The following GRM7 variants were observed in gnomAD, a reference collection of about 807,000 sequenced individuals.
GRM7 encodes the protein metabotropic glutamate receptor 7.
In GRM7, 35 loss-of-function variants were observed where a neutral mutation model predicts 84.5. The observed-to-expected ratio is 0.41, with a 90% CI of 0.32 to 0.55. The LOEUF is 0.55. Among genes scored for constraint, GRM7 ranks in the 20% least tolerant of loss-of-function variants. The pLI, the probability that GRM7 is intolerant of heterozygous loss-of-function variation, is 0.19. For missense variants in GRM7, 1,003 were observed against 1,194.6 expected (o/e 0.84, Z 2.36); for synonymous variants, 487 against 455.1 (o/e 1.07, Z -0.89).
intron 6 of GRM7, 131 bp downstream of exon 6, chr3:7,452,938 T>C: frequency 1.6e-6 from 1 of 628,312 alleles, no homozygotes; most frequent in East Asian, 2.7e-5. Context: ...CTTTAAATGA[T>C]TGAATCAATG....
intron 4 of GRM7, among the ~76,000 whole-genome samples, chr3:7,315,661 C>T (rs1700557059): frequency 6.6e-6 from 1 of 152,166 alleles, no homozygotes; most frequent in Admixed American, 6.5e-5. Flanking sequence ...CCACAATAGG[C>T]ACATTGACCT....
Position 7,356,920 on chromosome 3 carries a change from TCACACACACACACACACACA to T in GRM7, c.1033+50293_1033+50312del, listed in dbSNP as rs34481316. On this transcript the variant is annotated intron_variant, in intron 4 of 9. Coordinates refer to ENST00000357716, the MANE Select transcript of GRM7 (RefSeq NM_000844.4). ...CTATCATGGAACTTTGCCTTTTTGA[TCACACACACACACACACACA>T]CACACACACACACACACACACACAG... is the stretch of plus-strand genomic sequence containing the variant. 1.8e-3 allele frequency among the ~76,000 whole-genome samples: 230 copies of T among 131,284 alleles called. 1 individual carries two copies. Among genetic ancestry groups the T allele is most frequent in the African/African-American group, 6.5e-3 (222 of 34,172 alleles). 86.1% of individuals were successfully genotyped at this position (131,284 alleles called of 152,430 possible). A position where few individuals can be genotyped will look rare whatever the true frequency, so the allele number is the denominator to read the frequency against.
chr3:7,052,451 G>A (rs1434331050), intron 1 of GRM7, among the ~76,000 whole-genome samples: 1 of 151,526 alleles, frequency 6.6e-6, no homozygotes, highest in Admixed American at 6.6e-5. Flanking sequence ...CAATCCTCTT[G>A]TTTTAAAAAT....
At chr3:7,646,583 T>C (rs777480013) in intron 8 of GRM7, among the ~76,000 whole-genome samples, 4 of 152,166 alleles carry the variant, frequency 2.6e-5, no homozygotes, top group Non-Finnish European at 4.4e-5. Context: ...TGCCATGCAG[T>C]ACACATAGGC....
intron 2 of GRM7, among the ~76,000 whole-genome samples, chr3:7,236,631 C>G (rs961402430): frequency 6.6e-6 from 1 of 152,148 alleles, no homozygotes; most frequent in Non-Finnish European, 1.5e-5. Context: ...GAATCCTGCC[C>G]ATAGCAACAA....
At chr3:7,033,604 C>A (rs1389411134) in intron 1 of GRM7, among the ~76,000 whole-genome samples, 3 of 152,044 alleles carry the variant, frequency 2.0e-5, no homozygotes, top group African/African-American at 2.4e-5. Flanking sequence ...AAGGTTTTTT[C>A]CCCCTAAAGC....
rs1176662118 is a variant in GRM7, at chr3:7,164,962, A to G, written c.736+18294A>G. Among the ~76,000 whole-genome samples the G allele has an allele frequency of 2.0e-5, 3 of 152,330 alleles. No homozygotes were observed. The East Asian group carries it at 5.8e-4, about 29-fold the overall frequency. On this transcript the variant is annotated intron_variant, in intron 2 of 9. Coordinates refer to ENST00000357716, the MANE Select transcript of GRM7 (RefSeq NM_000844.4). ...ACTAAAAAGGAGTCTTCAGGGGTTC[A>G]TATGTCTTCCACAGTGGAAAAATCA...
intron 4 of GRM7, among the ~76,000 whole-genome samples, chr3:7,340,283 A>T (rs1312802218): frequency 6.6e-6 from 1 of 152,126 alleles, no homozygotes; most frequent in Non-Finnish European, 1.5e-5. Context: ...ACTGCTCGAG[A>T]CTGGGCAATT....
intron 1 of GRM7, among the ~76,000 whole-genome samples, chr3:6,921,880 A>T (rs1178733306): frequency 6.6e-6 from 1 of 152,080 alleles, no homozygotes; most frequent in East Asian, 1.9e-4. Flanking sequence ...AGCTAATATG[A>T]TTTACTCAGA....
At chr3:7,319,206 G>T (rs895300235) in intron 4 of GRM7, among the ~76,000 whole-genome samples, 1 of 150,284 alleles carries the variant, frequency 6.7e-6, no homozygotes, top group African/African-American at 2.5e-5. Context: ...ATAAGCTTAG[G>T]GGGTTGTGTG....
At chr3:7,169,770 G>A (rs1330716599) in intron 2 of GRM7, among the ~76,000 whole-genome samples, 3 of 152,094 alleles carry the variant, frequency 2.0e-5, no homozygotes, top group African/African-American at 4.8e-5. Flanking sequence ...GATAAATAGA[G>A]ACGTACTTTT....
intron 8 of GRM7, among the ~76,000 whole-genome samples, chr3:7,588,362 T>C (rs1695619564): frequency 1.3e-5 from 2 of 152,206 alleles, no homozygotes; most frequent in South Asian, 2.1e-4. Flanking sequence ...TTACCTTTTA[T>C]AATACATTTG....
At chr3:7,632,652 G>C (rs1307250322) in intron 8 of GRM7, among the ~76,000 whole-genome samples, 1 of 152,106 alleles carries the variant, frequency 6.6e-6, no homozygotes, top group African/African-American at 2.4e-5. Flanking sequence ...GTAATGATGG[G>C]AGCAAATCCC....
At chr3:7,075,670 T>G (rs1698047590) in intron 1 of GRM7, among the ~76,000 whole-genome samples, 2 of 151,872 alleles carry the variant, frequency 1.3e-5, no homozygotes, top group Non-Finnish European at 2.9e-5. Context: ...GGATTACAGG[T>G]GCCCGCCACC....
intron 3 of GRM7, among the ~76,000 whole-genome samples, chr3:7,303,090 G>A (rs1209059324): frequency 2.0e-5 from 3 of 151,848 alleles, no homozygotes; most frequent in Admixed American, 6.6e-5. Context: ...ACAGGTGCCC[G>A]CCACCATGGC....
chr3:6,935,008 C>T (rs1025385987), intron 1 of GRM7, among the ~76,000 whole-genome samples: 2 of 152,176 alleles, frequency 1.3e-5, no homozygotes, highest in African/African-American at 4.8e-5. Context: ...TAAATTTGTT[C>T]CCTTTTGGTT....
intron 5 of GRM7, among the ~76,000 whole-genome samples, chr3:7,433,636 C>T (rs1696923211): frequency 6.6e-6 from 1 of 152,188 alleles, no homozygotes; most frequent in Admixed American, 6.5e-5. Context: ...TTCTATAGGT[C>T]ATGATCCAAG....
chr3:7,186,236 T>C (rs1033451098), intron 2 of GRM7, among the ~76,000 whole-genome samples: 11 of 152,240 alleles, frequency 7.2e-5, no homozygotes. Context: ...AAGTTGCGTG[T>C]ATTTTTTCTT....
In GRM7 at chr3:7,313,825, C is replaced by T. The variant is rs1700490602; in HGVS notation, c.1033+7173C>T. On this transcript the variant is annotated intron_variant, in intron 4 of 9. Transcript: ENST00000357716. ...GTGAAAATATCCATGCAAGAATTGT[C>T]CCTAAGGGAAAATATAAACTAACGA... 3.9e-5 allele frequency among the ~76,000 whole-genome samples: 6 copies of T among 152,078 alleles called. No homozygotes were observed. The South Asian group carries it at 1.2e-3, about 32-fold the overall frequency.
Sources: gnomAD v4.1 joint callset for allele counts (sites outside exome capture counted in the v4.1 genomes callset) on GRCh38, gnomAD v4.1.1 for gene constraint, MANE v1.5 for transcripts, NCBI Gene and HGNC (gene_info 2026-07-23, HGNC 2026-07-21) for gene names.